Variants in STRADA observed in about 807,000 individuals in gnomAD.
STRADA encodes the protein STE20 related adaptor alpha.
Under a neutral mutation model 55.0 loss-of-function variants are expected in STRADA, and 26 were observed. The observed-to-expected ratio is 0.47, with a 90% CI of 0.35 to 0.66. The LOEUF (loss-of-function observed/expected upper bound fraction) is 0.66. Ranked by LOEUF, STRADA falls within the 30% of genes least tolerant of loss-of-function variation. STRADA has a pLI of 0.01. For synonymous variants in STRADA, 197 were observed against 210.9 expected (o/e 0.93, Z 0.57); for missense variants, 443 against 549.7 (o/e 0.81, Z 1.94).
At position 63,707,313 on chromosome 17, in the gene STRADA, C is replaced by T; in HGVS notation, c.687G>A (p.Val229=). Residue 229 remains valine, a synonymous_variant, in exon 9 of 13, where the codon GTG becomes GTA. Transcript: ENST00000336174. ...CACTGTACTTGGGAAAATCGTGGACCACTCGCTGCCGCTGCCCATGGCTTA... is the reference window on the plus strand; with the variant it reads ...CACTGTACTTGGGAAAATCGTGGACTACTCGCTGCCGCTGCCCATGGCTTA... ...SMISHGQRQR[V]VHDFPKYSVK... is the part of the protein sequence containing the mutation. 1 of 1,614,192 alleles carries T rather than the reference C, an allele frequency of 6.2e-7. No individual in the cohort carries two copies. Among genetic ancestry groups the T allele is most frequent in the Non-Finnish European group, 8.5e-7 (1 of 1,180,044 alleles).
intron 1 of STRADA, chr17:63,741,531 TC>T: frequency 6.5e-6 from 1 of 153,100 alleles, no homozygotes; most frequent in Non-Finnish European, 1.5e-5. Context: ...CTTCAGCGTC[TC>T]CCCGCCAGGC....
rs1248241354 is a variant in STRADA at position 63,704,061 on chromosome 17, G to C, written c.1101-14C>G. On this transcript the variant is annotated splice_polypyrimidine_tract_variant and intron_variant, in intron 11 of 12. Transcript: ENST00000336174. Reference sequence around the variant, plus strand: ...CTGGCACTGGGCCTGGAGGGAAAGGGGAGGAGAGACCGCAGCATCACTGCC... The same window carrying C: ...CTGGCACTGGGCCTGGAGGGAAAGGCGAGGAGAGACCGCAGCATCACTGCC... 6.2e-7 allele frequency: 1 copy of C among 1,612,728 alleles called. No individual in the cohort carries two copies. The highest frequency in any genetic ancestry group is 2.2e-5 in the East Asian group (1 of 44,846).
chr17:63,722,246 C>G (rs1218117491), intron 4 of STRADA, among the ~76,000 whole-genome samples: 1 of 152,088 alleles, frequency 6.6e-6, no homozygotes, highest in Non-Finnish European at 1.5e-5. Context: ...AGCTGATATC[C>G]AGAAATGACC....
intron 4 of STRADA, among the ~76,000 whole-genome samples, chr17:63,721,700 T>C (rs2037336058): frequency 1.4e-5 from 2 of 147,258 alleles, no homozygotes; most frequent in Admixed American, 1.4e-4. Context: ...GGCAACAGAG[T>C]GAGATTCGGT....
At chr17:63,739,771 T>TGTACATATATTATATAG (rs2038736642) in intron 1 of STRADA, among the ~76,000 whole-genome samples, 1 of 118,048 alleles carries the variant, frequency 8.5e-6, no homozygotes, top group African/African-American at 3.0e-5. Flanking sequence ...TATGTATATA[T>TGTACATATATTATATAG]GTACATATAT....
At chr17:63,717,117 C>CT (rs1366084626) in intron 4 of STRADA, 4 of 152,162 alleles carry the variant, frequency 2.6e-5, no homozygotes, top group Admixed American at 6.5e-5. Context: ...TCCTATTCTC[C>CT]TCCTCCTTCT....
intron 4 of STRADA, among the ~76,000 whole-genome samples, chr17:63,721,606 C>T (rs2037328604): frequency 1.3e-5 from 2 of 150,180 alleles, no homozygotes; most frequent in Non-Finnish European, 3.0e-5. Context: ...CCCAGCTACT[C>T]GGGAGGTTGA....
chr17:63,720,539 C>T (rs1418335543), intron 4 of STRADA, among the ~76,000 whole-genome samples: 3 of 151,568 alleles, frequency 2.0e-5, no homozygotes, highest in African/African-American at 7.3e-5. Context: ...CTTTGGAAGG[C>T]CGAGGCAGGC....
At chr17:63,733,483 A>G (rs1022948662) in intron 1 of STRADA, among the ~76,000 whole-genome samples, 4 of 152,142 alleles carry the variant, frequency 2.6e-5, no homozygotes, top group Admixed American at 1.3e-4. Context: ...AAAGAATACA[A>G]TCTTCAACCC....
In STRADA at chr17:63,703,675, T is replaced by G. The variant is rs1254740486; in HGVS notation, c.1220A>C (p.Gln407Pro). The G allele has an allele frequency of 6.2e-7, 1 of 1,614,186 alleles. No homozygotes were observed. Among genetic ancestry groups the G allele is most frequent in the South Asian group, 1.1e-5 (1 of 91,090 alleles). ...VTPITNFEGS[Q>P]SQDHSGIFGL... Reference sequence around the variant, plus strand: ...AAAGATTCCACTGTGGTCCTGAGACTGGCTGCCCTCAAAATTGGTGATGGG... The same window carrying G: ...AAAGATTCCACTGTGGTCCTGAGACGGGCTGCCCTCAAAATTGGTGATGGG... The change falls in exon 13 of 13, where the codon CAG (glutamine) becomes CCG (proline). Residue 407 changes from glutamine to proline, a missense_variant. Gln to Pro is a moderately conservative substitution (Grantham distance 76, BLOSUM62 -1). Coordinates refer to ENST00000336174, the MANE Select transcript of STRADA (RefSeq NM_001003787.4).
At chr17:63,714,849 T>C (rs955772660) in intron 4 of STRADA, among the ~76,000 whole-genome samples, 1 of 152,232 alleles carries the variant, frequency 6.6e-6, no homozygotes, top group African/African-American at 2.4e-5. Context: ...TCTGAGTTTG[T>C]GCAAAACACA....
intron 1 of STRADA, among the ~76,000 whole-genome samples, chr17:63,733,005 G>T (rs2038177266): frequency 6.6e-6 from 1 of 151,928 alleles, no homozygotes; most frequent in South Asian, 2.1e-4. Flanking sequence ...CTCCTGCCTC[G>T]GCCTCCCAAG....
chr17:63,721,348 G>T (rs905230818), intron 4 of STRADA, among the ~76,000 whole-genome samples: 6 of 151,338 alleles, frequency 4.0e-5, no homozygotes, highest in African/African-American at 1.2e-4. Context: ...CTCCAGCCTG[G>T]GTGACAGAGT....
chr17:63,716,591 T>G (rs1251699096), intron 4 of STRADA, among the ~76,000 whole-genome samples: 3 of 152,184 alleles, frequency 2.0e-5, no homozygotes, highest in Non-Finnish European at 4.4e-5. Context: ...ATTTTCCTGT[T>G]GTTTCAGTGC....
At chr17:63,713,980 A>G (rs1271720491) in intron 5 of STRADA, 26 bp downstream of exon 5, 1 of 1,584,268 alleles carries the variant, frequency 6.3e-7, no homozygotes, top group African/African-American at 1.3e-5. Context: ...AGAAAGCAGG[A>G]GAGTAAGGAC....
rs1431330048 is a variant in STRADA, at chr17:63,706,919, T to C, written c.754-180A>G. On this transcript the variant is annotated intron_variant, in intron 9 of 12. Coordinates refer to ENST00000336174, the MANE Select transcript of STRADA (RefSeq NM_001003787.4). ...TTACCACCTGTAACTGGCGATGCTC[T>C]GTAAGGAGCAGGAAGTGCCAGCCCC... 2.0e-5 allele frequency among the ~76,000 whole-genome samples: 3 copies of C among 152,352 alleles called. No homozygotes were observed. In the South Asian group the frequency reaches 6.2e-4, roughly 32 times the overall value.
At chr17:63,707,178 G>C (rs1434406102) in intron 9 of STRADA, 69 bp downstream of exon 9, 1 of 1,587,892 alleles carries the variant, frequency 6.3e-7, no homozygotes, top group African/African-American at 1.3e-5. Flanking sequence ...CCGACTCCAG[G>C]CAATGCCTGA....
At chr17:63,736,664 T>C (rs1021249089) in intron 1 of STRADA, among the ~76,000 whole-genome samples, 4 of 151,398 alleles carry the variant, frequency 2.6e-5, no homozygotes, top group Non-Finnish European at 4.4e-5. Context: ...GTGTGTCCAC[T>C]GAAGAGATAT....
At chr17:63,728,701 C>T (rs938378880) in intron 1 of STRADA, among the ~76,000 whole-genome samples, 10 of 144,748 alleles carry the variant, frequency 6.9e-5, no homozygotes, top group African/African-American at 2.6e-4. Context: ...GAGTTCGAGA[C>T]CAGCCTGGCC....
Sources: gnomAD v4.1 joint callset for allele counts (sites outside exome capture counted in the v4.1 genomes callset) on GRCh38, gnomAD v4.1.1 for gene constraint, MANE v1.5 for transcripts, NCBI Gene and HGNC (gene_info 2026-07-23, HGNC 2026-07-21) for gene names.